The following CD46 variants were observed in gnomAD, a reference collection of about 807,000 sequenced individuals.
CD46 encodes the protein CD46 molecule, also known as membrane cofactor protein.
In CD46, 30 loss-of-function variants were observed where a neutral mutation model predicts 53.3. That is an observed-to-expected ratio of 0.56 (90% CI 0.42 to 0.76). The LOEUF is 0.76. Among genes scored for constraint, CD46 ranks in the 30% least tolerant of loss-of-function variants. The pLI, the probability that CD46 is intolerant of heterozygous loss-of-function variation, is 0.00. For missense variants in CD46, 409 were observed against 463.0 expected (o/e 0.88, Z 1.07); for synonymous variants, 142 against 152.0 (o/e 0.93, Z 0.48).
chr1:207,771,237 T>G (rs1351723933), intron 8 of CD46, among the ~76,000 whole-genome samples: 4 of 152,196 alleles, frequency 2.6e-5, no homozygotes, highest in Non-Finnish European at 4.4e-5. Context: ...GCCCACTTTT[T>G]GATGGTGGTG....
In CD46 at chr1:207,767,793, A is replaced by G; in HGVS notation, c.871A>G (p.Thr291Ala). 2.5e-6 allele frequency: 4 copies of G among 1,613,032 alleles called. 1 individual carries two copies. The highest frequency in any genetic ancestry group is 3.3e-4 in the Middle Eastern group (2 of 6,052). The change falls in exon 7 of 13, where the codon ACT becomes GCT. Residue 291 changes from threonine (T) to alanine (A), a missense_variant. Physicochemically the swap from Thr to Ala is moderately conservative, Grantham distance 58. Transcript: ENST00000367042. The stretch of plus-strand genomic sequence containing the variant: ...TTGTTTTCCAGTGTCGACTTCTTCC[A>G]CTACAAAATCTCCAGCGTCCAGTGC... ...PKCLKVSTSS[T>A]TKSPASSASG...
At chr1:207,756,128 A>C (rs1655507712) in intron 1 of CD46, among the ~76,000 whole-genome samples, 2 of 152,198 alleles carry the variant, frequency 1.3e-5, no homozygotes, top group South Asian at 4.1e-4. Context: ...TGAGTTGAGC[A>C]GGAGTTGTAG....
At chr1:207,773,889 A>AT (rs1472621680) in intron 8 of CD46, among the ~76,000 whole-genome samples, 1 of 152,088 alleles carries the variant, frequency 6.6e-6, no homozygotes, top group Non-Finnish European at 1.5e-5. Flanking sequence ...TCTGTAGATG[A>AT]TTAGTAGGTC....
chr1:207,759,853 G>T (rs1655987705), intron 4 of CD46, 129 bp downstream of exon 4: 11 of 615,176 alleles, frequency 1.8e-5, no homozygotes, highest in South Asian at 4.0e-5. Flanking sequence ...TATATCTATT[G>T]GTATTTATCA....
At chr1:207,785,263 C>T (rs1449320088) in intron 10 of CD46, among the ~76,000 whole-genome samples, 157 bp downstream of exon 10, 1 of 152,136 alleles carries the variant, frequency 6.6e-6, no homozygotes, top group African/African-American at 2.4e-5. Context: ...ACTTAACTAC[C>T]TACCTTGTGT....
chr1:207,769,986 G>A (rs113544067), intron 7 of CD46: 36 of 252,090 alleles, frequency 1.4e-4, no homozygotes, highest in East Asian at 3.9e-4. Flanking sequence ...GGCTAGTCTC[G>A]AACTCCTGAC....
At chr1:207,770,248 T>C (rs1424012524) in intron 7 of CD46, 73 bp from the exon 8 acceptor site, 5 of 1,054,312 alleles carry the variant, frequency 4.7e-6, no homozygotes, top group South Asian at 1.3e-5. Flanking sequence ...AAAAAATCAA[T>C]ATCAAAATTA....
At chr1:207,779,439 A>G (rs1337088272) in intron 8 of CD46, among the ~76,000 whole-genome samples, 2 of 152,052 alleles carry the variant, frequency 1.3e-5, no homozygotes, top group Non-Finnish European at 2.9e-5. Flanking sequence ...TTGTGTTTAG[A>G]TTTATTCTCA....
intron 8 of CD46, among the ~76,000 whole-genome samples, chr1:207,779,368 AATG>A (rs1312188617): frequency 6.6e-6 from 1 of 152,088 alleles, no homozygotes; most frequent in Non-Finnish European, 1.5e-5. Context: ...TTTTCTTAAA[AATG>A]ATATTATGCT....
chr1:207,774,337 A>G (rs1657863498), intron 8 of CD46, among the ~76,000 whole-genome samples: 1 of 151,968 alleles, frequency 6.6e-6, no homozygotes, highest in Non-Finnish European at 1.5e-5. Flanking sequence ...TCTTTATCCA[A>G]TTTGCCAGTC....
At chr1:207,770,118 A>T in intron 7 of CD46, 1 of 564,094 alleles carries the variant, frequency 1.8e-6, no homozygotes, top group East Asian at 3.1e-5. Context: ...TAAAATACAG[A>T]GTGTGGTGAG....
intron 8 of CD46, among the ~76,000 whole-genome samples, chr1:207,778,545 CTT>C: frequency 6.6e-6 from 1 of 152,272 alleles, no homozygotes; most frequent in East Asian, 1.9e-4. Flanking sequence ...AATAGGGAAT[CTT>C]TTTCCCATTG....
At chr1:207,765,188 G>GA (rs564111053) in intron 5 of CD46, among the ~76,000 whole-genome samples, 5 of 151,794 alleles carry the variant, frequency 3.3e-5, no homozygotes, top group Middle Eastern at 3.4e-3. Context: ...CTATTAAGGA[G>GA]AAAAAAAATC....
intron 5 of CD46, among the ~76,000 whole-genome samples, chr1:207,766,453 G>T (rs914342469): frequency 2.6e-5 from 4 of 152,106 alleles, no homozygotes; most frequent in African/African-American, 9.7e-5. Flanking sequence ...ACCTGTGGGA[G>T]AGTATCAAGC....
intron 8 of CD46, among the ~76,000 whole-genome samples, chr1:207,777,331 C>A (rs1055472587): frequency 6.6e-6 from 1 of 152,054 alleles, no homozygotes; most frequent in Non-Finnish European, 1.5e-5. Context: ...ACATCAACAT[C>A]TTTTTTTAAA....
intron 8 of CD46, among the ~76,000 whole-genome samples, chr1:207,772,842 G>T (rs1020449489): frequency 2.6e-5 from 4 of 152,176 alleles, no homozygotes; most frequent in Non-Finnish European, 4.4e-5. Context: ...GTTCATCAGG[G>T]ATATTGGCCT....
intron 5 of CD46, among the ~76,000 whole-genome samples, chr1:207,763,848 G>GGT (rs1553251319): frequency 7.2e-6 from 1 of 139,776 alleles, no homozygotes; most frequent in East Asian, 2.1e-4. Flanking sequence ...TGATTTTTTG[G>GGT]TTTTTTTTTT....
intron 8 of CD46, among the ~76,000 whole-genome samples, chr1:207,780,131 TC>T (rs937044630): frequency 1.3e-5 from 2 of 151,920 alleles, no homozygotes; most frequent in African/African-American, 4.8e-5. Context: ...ATTATAATCA[TC>T]CCACACTGAA....
chr1:207,766,983 A>G (rs763178656), intron 5 of CD46, 30 bp from the exon 6 acceptor site: 4 of 1,582,542 alleles, frequency 2.5e-6, no homozygotes, highest in Admixed American at 3.3e-5. Context: ...GCAGATATCC[A>G]TTAATTCTGA....
Sources: gnomAD v4.1 joint callset for allele counts (sites outside exome capture counted in the v4.1 genomes callset) on GRCh38, gnomAD v4.1.1 for gene constraint, MANE v1.5 for transcripts, NCBI Gene and HGNC (gene_info 2026-07-23, HGNC 2026-07-21) for gene names.